RNASET2: variants seen among roughly 807,000 people sequenced by gnomAD.
RNASET2 encodes the protein ribonuclease T2, also known as ribonuclease 6.
In RNASET2, 28 loss-of-function variants were observed where a neutral mutation model predicts 33.9. The observed-to-expected ratio is 0.83, with a 90% CI of 0.61 to 1.13. The LOEUF is 1.13. RNASET2 is among the 50% of genes most tolerant of loss of function. The pLI, the probability that RNASET2 is intolerant of heterozygous loss-of-function variation, is 0.00. For missense variants in RNASET2, 330 were observed against 319.9 expected (o/e 1.03, Z -0.24); for synonymous variants, 123 against 121.0 (o/e 1.02, Z -0.11).
At position 166,929,358 on chromosome 6, in the gene RNASET2, A is replaced by AATC; in HGVS notation, c.*227_*229dup. Reference sequence around the variant, plus strand: ...GAGTTTAATAGAGAAAAAAAAAAACAATCTGTGAGCTTTATCCCAAGCACA... The same window carrying AATC: ...GAGTTTAATAGAGAAAAAAAAAAACAATCATCTGTGAGCTTTATCCCAAGCACA... On this transcript the variant is annotated 3_prime_UTR_variant, in exon 9 of 9. Coordinates refer to ENST00000508775, the MANE Select transcript of RNASET2 (RefSeq NM_003730.6). 1 of 583,304 alleles carries AATC rather than the reference A, an allele frequency of 1.7e-6. No homozygotes were observed. The highest frequency in any genetic ancestry group is 3.0e-6 in the Non-Finnish European group (1 of 329,352). The allele number at this position is 583,304 out of a possible 1,614,324, so 36.1% of individuals were successfully genotyped here.
intron 1 of RNASET2, chr6:166,955,799 C>T (rs956572631): frequency 1.0e-6 from 1 of 979,610 alleles, no homozygotes; most frequent in Non-Finnish European, 1.2e-6. Context: ...CACTCCTTCC[C>T]AGAGGTCACC....
rs977523575 is a variant in RNASET2, at chr6:166,948,301, G to C, written c.203+269C>G. The stretch of plus-strand genomic sequence containing the variant: ...GTGGAGGTTGCAGTGAGCCAAGATC[G>C]TGCCACTGCACTTCAGCCTAGGCAA... On this transcript the variant is annotated intron_variant, in intron 3 of 8. Transcript: ENST00000508775. 2.4e-5 allele frequency: 12 copies of C among 492,662 alleles called. No individual in the cohort carries two copies. The Admixed American group carries it at 3.1e-4, about 13-fold the overall frequency. The allele number at this position is 492,662 out of a possible 1,614,324, so 30.5% of individuals were successfully genotyped here.
chr6:166,926,775 C>T lies in RNASET2; in HGVS notation c.*2813G>A, dbSNP rs1033473967. Among the ~76,000 whole-genome samples, 9 of 152,106 alleles carry T rather than the reference C, an allele frequency of 5.9e-5. No homozygotes were observed. Among genetic ancestry groups the T allele is most frequent in the African/African-American group, 1.9e-4 (8 of 41,426 alleles). On this transcript the variant is annotated 3_prime_UTR_variant, in exon 9 of 9. Transcript: ENST00000508775. ...TCATGGGAACCTGGTTTTCTTGTCTCGCTTTTACCTATGGTGTCTTTTTCC... is the reference window on the plus strand; with the variant it reads ...TCATGGGAACCTGGTTTTCTTGTCTTGCTTTTACCTATGGTGTCTTTTTCC...
Position 166,943,006 on chromosome 6 carries a change from G to A in RNASET2, c.332+13C>T. On this transcript the variant is annotated intron_variant, in intron 5 of 8. Transcript: ENST00000508775. ...GACAGTAATCAAGACAGCAATCAGA[G>A]GCTGGGACTTACCAGAAGCGGCTGC... 1 of 1,611,262 alleles carries A rather than the reference G, an allele frequency of 6.2e-7. No homozygotes were observed. The highest frequency in any genetic ancestry group is 2.2e-5 in the East Asian group (1 of 44,854).
intron 4 of RNASET2, chr6:166,943,813 T>C (rs532972445): frequency 1.3e-5 from 6 of 468,234 alleles, no homozygotes; most frequent in African/African-American, 1.2e-4. Flanking sequence ...AATTTTTCTG[T>C]AAACCTATAA....
rs1355516209 is a variant in RNASET2, at chr6:166,928,839, C to T, written c.*749G>A. On this transcript the variant is annotated 3_prime_UTR_variant, in exon 9 of 9. Transcript: ENST00000508775. ...CCGGTTCTGGAACACACAATGTAGG[C>T]ACATTTCGCTGGGGGCTCCATGTAC... 1.3e-5 allele frequency among the ~76,000 whole-genome samples: 2 copies of T among 152,322 alleles called. No homozygotes were observed. Among genetic ancestry groups the T allele is most frequent in the Non-Finnish European group, 2.9e-5 (2 of 68,006 alleles).
At chr6:166,952,031 A>G (rs1778996370) in intron 2 of RNASET2, among the ~76,000 whole-genome samples, 1 of 152,176 alleles carries the variant, frequency 6.6e-6, no homozygotes, top group African/African-American at 2.4e-5. Flanking sequence ...CCTAAATCCA[A>G]TTACTGGTGT....
intron 4 of RNASET2, among the ~76,000 whole-genome samples, chr6:166,945,941 C>T (rs1778831149): frequency 6.6e-6 from 1 of 152,072 alleles, no homozygotes. Flanking sequence ...CTCCCGCAAG[C>T]CTTCAATGCT....
chr6:166,929,653 G>A lies in RNASET2; in HGVS notation c.706C>T (p.Arg236Trp), dbSNP rs11159. The change falls in exon 9 of 9, where the codon CGG becomes TGG. Residue 236 changes from arginine to tryptophan, a missense_variant. Arg to Trp is a moderately radical substitution (Grantham distance 101, BLOSUM62 -3). Transcript: ENST00000508775. ...CCATCTTCACAGACTCTCAGACCCC[G>A]GCTCTCGGCGGCCCCATTTGCCAGC... ...VWLANGAAES[R>W]GLRVCEDGPV... 0.072 allele frequency: 115,673 copies of A among 1,613,952 alleles called. 4,376 individuals are homozygous for A. Among genetic ancestry groups the A allele is most frequent in the African/African-American group, 0.11 (8,081 of 74,954 alleles).
At position 166,946,605 on chromosome 6, in the gene RNASET2, TTTGAAGGTACGC is replaced by T. The variant is rs533460130; in HGVS notation, c.261+65_261+76del. ...ATGACCCCTTAATTTTAAAGATGAC[TTTGAAGGTACGC>T]TTGTGAAGAAAAGAGTTAATCTAGG... is the stretch of plus-strand genomic sequence containing the variant. On this transcript the variant is annotated intron_variant, in intron 4 of 8. Coordinates refer to ENST00000508775, the MANE Select transcript of RNASET2 (RefSeq NM_003730.6). 9.5e-4 allele frequency: 792 copies of T among 833,158 alleles called. 1 individual carries two copies. Among genetic ancestry groups the T allele is most frequent in the Non-Finnish European group, 1.3e-3 (663 of 492,930 alleles). The allele number at this position is 833,158 out of a possible 1,614,324, so 51.6% of individuals were successfully genotyped here.
At chr6:166,955,189 G>GCACA (rs201397139) in intron 1 of RNASET2, among the ~76,000 whole-genome samples, 1 of 56,616 alleles carries the variant, frequency 1.8e-5, no homozygotes, top group African/African-American at 7.0e-5. Flanking sequence ...ACACACACAC[G>GCACA]CACACACGCA....
chr6:166,925,697 G>A lies in RNASET2; in HGVS notation c.*3891C>T, dbSNP rs900543847. Among the ~76,000 whole-genome samples the A allele has an allele frequency of 2.0e-5, 3 of 152,194 alleles. No homozygotes were observed. The highest frequency in any genetic ancestry group is 4.4e-5 in the Non-Finnish European group (3 of 68,038). On this transcript the variant is annotated 3_prime_UTR_variant, in exon 9 of 9. Transcript: ENST00000508775. ...GGAAGAGAAGAGGCCCTGGTCCCTG[G>A]GCGTGGAGGCGCAGAGCCACCCAGG... is the stretch of plus-strand genomic sequence containing the variant.
intron 1 of RNASET2, chr6:166,952,911 ACCCACGAT>A (rs1239012822): frequency 6.1e-5 from 17 of 278,860 alleles, no homozygotes; most frequent in Non-Finnish European, 1.1e-4. Context: ...AGAAATGCAG[ACCCACGAT>A]CCCTCCCCTG....
rs111784531 is a variant in RNASET2, at chr6:166,936,249, T to G, written c.447-2113A>C. On this transcript the variant is annotated intron_variant, in intron 6 of 8. Transcript: ENST00000508775. The stretch of plus-strand genomic sequence containing the variant: ...TTTACTGAATGAATGAATGAATGAA[T>G]GAATGGAGGACGCACCATTCCCATC... Among the ~76,000 whole-genome samples the G allele has an allele frequency of 9.9e-3, 1,506 of 152,276 alleles. 33 individuals carry two copies. Among genetic ancestry groups the G allele is most frequent in the African/African-American group, 0.035 (1,444 of 41,536 alleles).
At chr6:166,934,172 GA>G in intron 6 of RNASET2, 36 bp from the exon 7 acceptor site, 1 of 1,351,516 alleles carries the variant, frequency 7.4e-7, no homozygotes. Context: ...GCTGTATAAT[GA>G]AGGTCCACTT....
At chr6:166,951,119 G>A (rs982742666) in intron 2 of RNASET2, among the ~76,000 whole-genome samples, 3 of 152,224 alleles carry the variant, frequency 2.0e-5, no homozygotes, top group African/African-American at 7.2e-5. Flanking sequence ...ATAAGGTCAC[G>A]TGAGTCACGT....
chr6:166,956,265 G>T lies in RNASET2; in HGVS notation c.-83C>A. ...TGCTGCCCGAGGAAGACTTCCGGGA[G>T]AAACGCTGTCTCCGAGCCCCCGCGC... On this transcript the variant is annotated 5_prime_UTR_variant, in exon 1 of 9. Coordinates refer to ENST00000508775, the MANE Select transcript of RNASET2 (RefSeq NM_003730.6). 1 of 1,316,776 alleles carries T rather than the reference G, an allele frequency of 7.6e-7. No individual in the cohort carries two copies. The highest frequency in any genetic ancestry group is 1.1e-6 in the Non-Finnish European group (1 of 935,964). 81.6% of individuals were successfully genotyped at this position (1,316,776 alleles called of 1,614,324 possible). A position where few individuals can be genotyped will look rare whatever the true frequency, so the allele number is the denominator to read the frequency against.
At chr6:166,950,219 TCTTCC>T (rs147488647) in intron 2 of RNASET2, among the ~76,000 whole-genome samples, 6,288 of 152,180 alleles carry the variant, frequency 0.041, 237 homozygotes, top group African/African-American at 0.096. Context: ...CCACGGTCCT[TCTTCC>T]GTAGGAACCA....
intron 8 of RNASET2, among the ~76,000 whole-genome samples, chr6:166,930,487 A>G (rs1443445217): frequency 6.6e-6 from 1 of 150,980 alleles, no homozygotes; most frequent in Non-Finnish European, 1.5e-5. Flanking sequence ...ACACACGCAC[A>G]TGCCCACACA....
Sources: gnomAD v4.1 joint callset for allele counts (sites outside exome capture counted in the v4.1 genomes callset) on GRCh38, gnomAD v4.1.1 for gene constraint, MANE v1.5 for transcripts, NCBI Gene and HGNC (gene_info 2026-07-23, HGNC 2026-07-21) for gene names.